DEFB134: variants seen among roughly 807,000 people sequenced by gnomAD.
The protein encoded by DEFB134 is beta-defensin 134.
In DEFB134, 7 loss-of-function variants were observed where a neutral mutation model predicts 7.4. That is an observed-to-expected ratio of 0.95 (90% CI 0.54 to 1.79). The LOEUF (loss-of-function observed/expected upper bound fraction) is 1.79. DEFB134 is among the 40% of genes most tolerant of loss of function. The pLI is 0.00. For synonymous variants in DEFB134, 33 were observed against 25.0 expected (o/e 1.32, Z -0.96); for missense variants, 105 against 74.8 (o/e 1.40, Z -1.49).
At chr8:11,993,942 G>T in exon 2 of DEFB134, 1 of 1,592,866 alleles carries the variant, frequency 6.3e-7, no homozygotes. Context: ...GCAGAATCAA[G>T]GGCCTACAGG....
At chr8:11,995,971 G>GAAAAAAAAAAAAAAAAAAAAAAAA (rs1554452517) in intron 1 of DEFB134, among the ~76,000 whole-genome samples, 1 of 131,416 alleles carries the variant, frequency 7.6e-6, no homozygotes, top group African/African-American at 3.5e-5. Context: ...AAAAAAAAAG[G>GAAAAAAAAAAAAAAAAAAAAAAAA]AAACTAAGGC....
chr8:11,999,190 A>G, upstream of DEFB134: 1 of 194,136 alleles, frequency 5.2e-6, no homozygotes, highest in African/African-American at 2.4e-5. Context: ...ATTTCTTAGC[A>G]ACCAGCCAGT....
chr8:11,994,507 C>G (rs1474170544), intron 1 of DEFB134, among the ~76,000 whole-genome samples: 1 of 152,142 alleles, frequency 6.6e-6, no homozygotes, highest in Non-Finnish European at 1.5e-5. Context: ...GAAATTGAAT[C>G]AGCTAGCACC....
In DEFB134 at chr8:11,996,084, T is replaced by C. The variant is rs1450758002; in HGVS notation, c.58+110A>G. 6.6e-5 allele frequency: 88 copies of C among 1,335,922 alleles called. No individual in the cohort carries two copies. The Admixed American group carries it at 1.4e-3, about 21-fold the overall frequency. The allele number at this position is 1,335,922 out of a possible 1,614,324, so 82.8% of individuals were successfully genotyped here. On this transcript the variant is annotated intron_variant, in intron 1 of 1. Transcript: ENST00000526438. ...ACATCAAAACTAGTTGATGCTTTTT[T>C]CTAGCTTGAAAATTAAAGGGCCCAT...
chr8:11,998,020 C>T (rs1304312588), upstream of DEFB134, among the ~76,000 whole-genome samples: 2 of 152,202 alleles, frequency 1.3e-5, no homozygotes, highest in African/African-American at 4.8e-5. Context: ...GTAACATTCT[C>T]AGACCGCAAT....
chr8:11,996,496 C>T (rs562089369), upstream of DEFB134, among the ~76,000 whole-genome samples: 1 of 152,272 alleles, frequency 6.6e-6, no homozygotes, highest in South Asian at 2.1e-4. Context: ...ACACTGTTCT[C>T]CCACCCAGGT....
At chr8:11,998,247 A>C (rs1800176807), upstream of DEFB134, among the ~76,000 whole-genome samples, 1 of 151,992 alleles carries the variant, frequency 6.6e-6, no homozygotes, top group African/African-American at 2.4e-5. Flanking sequence ...CCAGGAGTTT[A>C]AGGCCACCTT....
upstream of DEFB134, among the ~76,000 whole-genome samples, chr8:11,997,718 A>G (rs1270133531): frequency 6.6e-6 from 1 of 152,256 alleles, no homozygotes; most frequent in Non-Finnish European, 1.5e-5. Context: ...GAGATTTATA[A>G]AACAAGTTCT....
chr8:11,999,389 G>C, upstream of DEFB134: 2 of 200,614 alleles, frequency 1.0e-5, no homozygotes, highest in Non-Finnish European at 2.2e-5. Context: ...TGTTGAATAT[G>C]ACTCAAGGAG....
chr8:11,993,967 T>G (rs751484849), exon 2 of DEFB134: 1 of 1,609,850 alleles, frequency 6.2e-7, no homozygotes, highest in African/African-American at 1.3e-5. Context: ...TGGCCATTCA[T>G]TGGTTTCTTA....
upstream of DEFB134, among the ~76,000 whole-genome samples, chr8:11,996,625 G>C (rs1800131446): frequency 6.6e-6 from 1 of 152,086 alleles, no homozygotes; most frequent in Non-Finnish European, 1.5e-5. Flanking sequence ...TAGAAAATTG[G>C]TAAAATATTA....
chr8:11,996,212 A>C, exon 1 of DEFB134: 2 of 1,613,824 alleles, frequency 1.2e-6, no homozygotes, highest in East Asian at 2.2e-5. Flanking sequence ...ACTGGATCCC[A>C]AAGGAAAAGA....
chr8:11,997,728 T>C (rs989742957), upstream of DEFB134, among the ~76,000 whole-genome samples: 1 of 152,212 alleles, frequency 6.6e-6, no homozygotes, highest in Non-Finnish European at 1.5e-5. Context: ...AAACAAGTTC[T>C]TAGAGACCTA....
At chr8:11,993,903 A>AT in exon 2 of DEFB134, 2 of 1,555,264 alleles carry the variant, frequency 1.3e-6, no homozygotes, top group South Asian at 2.5e-5. Flanking sequence ...TCACAGTTTG[A>AT]TCTAAATTCC....
At chr8:11,995,715 T>G (rs1800101014) in intron 1 of DEFB134, among the ~76,000 whole-genome samples, 1 of 152,230 alleles carries the variant, frequency 6.6e-6, no homozygotes, top group Non-Finnish European at 1.5e-5. Context: ...GTTGTCACTA[T>G]TTTCTGGTTT....
chr8:11,994,300 T>C (rs1397671806), intron 1 of DEFB134, among the ~76,000 whole-genome samples, 178 bp from the exon 3 acceptor site: 2 of 152,184 alleles, frequency 1.3e-5, no homozygotes, highest in Admixed American at 6.5e-5. Flanking sequence ...AAAATTCATA[T>C]GCTGAAACCC....
chr8:12,000,680 G>C (rs1563116504), upstream of DEFB134, among the ~76,000 whole-genome samples: 2 of 152,178 alleles, frequency 1.3e-5, no homozygotes, highest in Non-Finnish European at 2.9e-5. Flanking sequence ...ATGTGAATGT[G>C]AACTCTGTCT....
At chr8:12,000,254 T>G (rs1585095468), upstream of DEFB134, among the ~76,000 whole-genome samples, 1 of 152,206 alleles carries the variant, frequency 6.6e-6, no homozygotes, top group East Asian at 1.9e-4. Flanking sequence ...ATAGCACTTG[T>G]CACAATTGTT....
At chr8:12,000,018 T>C (rs1474656648), upstream of DEFB134, among the ~76,000 whole-genome samples, 1 of 152,346 alleles carries the variant, frequency 6.6e-6, no homozygotes, top group East Asian at 1.9e-4. Flanking sequence ...TCCTGATCTG[T>C]GGTTGTTCTG....
Sources: allele counts gnomAD v4.1 joint callset (sites outside exome capture counted in the v4.1 genomes callset), GRCh38; gene constraint gnomAD v4.1.1; transcripts MANE v1.5; gene names NCBI Gene and HGNC (gene_info 2026-07-23, HGNC 2026-07-21).